Variants in NIN observed in about 807,000 individuals in gnomAD.
The protein encoded by NIN is glycogen synthase kinase 3 beta-interacting protein.
A neutral mutation model predicts 257.6 loss-of-function variants in NIN; 137 were observed. The ratio of observed to expected loss-of-function variants is 0.53; its 90% confidence interval spans 0.46 to 0.61. NIN has a LOEUF of 0.61. NIN is among the 20% of genes least tolerant of loss of function. The probability of loss-of-function intolerance (pLI) is 0.00; values close to 1 mark genes in which losing one functional copy is unlikely to be tolerated. For missense variants in NIN, 2,439 were observed against 2,501.2 expected, an observed-to-expected ratio of 0.98 and a Z score of 0.53; for synonymous variants, 918 against 919.8, an observed-to-expected ratio of 1.00 and a Z score of 0.04.
intron 21 of NIN, among the ~76,000 whole-genome samples, chr14:50,751,739 C>T (rs929025676): frequency 3.3e-5 from 5 of 152,104 alleles, no homozygotes; most frequent in African/African-American, 1.2e-4. Context: ...GTTGTCCAGG[C>T]TGGTCTTGAA....
At chr14:50,737,362 G>A (rs889243304) in intron 27 of NIN, among the ~76,000 whole-genome samples, 11 of 152,084 alleles carry the variant, frequency 7.2e-5, no homozygotes, top group South Asian at 2.1e-4. Flanking sequence ...TGAAGCGTTC[G>A]GGTAACTGCA....
chr14:50,789,297 G>A (rs11850959), intron 5 of NIN, among the ~76,000 whole-genome samples: 110,969 of 152,158 alleles, frequency 0.73, 43,892 homozygotes, highest in East Asian at 1. Context: ...GTCAGAGGCC[G>A]GGAGCGGTGG....
rs555876390 is a variant in NIN at position 50,753,532 on chromosome 14, A to G, written c.4735-799T>C. On this transcript the variant is annotated intron_variant, in intron 20 of 30. Coordinates refer to ENST00000530997, the MANE Select transcript of NIN (RefSeq NM_020921.4). Reference sequence around the variant, plus strand: ...TATCTGTTCCCACGTTGATAGACATAAAGTTTTTAAAATCATTATTTCTTT... The same window carrying G: ...TATCTGTTCCCACGTTGATAGACATGAAGTTTTTAAAATCATTATTTCTTT... Among the ~76,000 whole-genome samples the G allele has an allele frequency of 1.4e-3, 205 of 151,026 alleles. 1 individual carries two copies. The highest frequency in any genetic ancestry group is 4.6e-3 in the African/African-American group (190 of 41,380).
chr14:50,813,623 C>A (rs1468169985), intron 3 of NIN, among the ~76,000 whole-genome samples: 1 of 152,086 alleles, frequency 6.6e-6, no homozygotes, highest in South Asian at 2.1e-4. Flanking sequence ...CAAATTCAAA[C>A]CACACACACA....
At chr14:50,800,007 TACACACACACACACACACACACAC>T (rs71118902) in intron 4 of NIN, among the ~76,000 whole-genome samples, 8 of 148,152 alleles carry the variant, frequency 5.4e-5, no homozygotes, top group East Asian at 2.0e-4. Flanking sequence ...TATATACACA[TACACACACACACACACACACACAC>T]ACACACACAC....
chr14:50,807,691 C>T (rs2044392295), intron 3 of NIN, among the ~76,000 whole-genome samples: 2 of 152,144 alleles, frequency 1.3e-5, no homozygotes, highest in Admixed American at 6.5e-5. Context: ...CAAAACACTG[C>T]CTAGAGGTTT....
chr14:50,750,029 ATTTAT>A (rs1374984562), intron 21 of NIN, among the ~76,000 whole-genome samples: 1 of 152,030 alleles, frequency 6.6e-6, no homozygotes, highest in Non-Finnish European at 1.5e-5. Context: ...TCATAATTAT[ATTTAT>A]TTTATTCTAT....
chr14:50,789,583 C>T lies in NIN; in HGVS notation c.435+3129G>A, dbSNP rs577264117. ...GAGACTCCATCTCAAGAAAACAAAA[C>T]AAAACAAAACAAACAAACAAAAAAC... On this transcript the variant is annotated intron_variant, in intron 5 of 30. Coordinates refer to ENST00000530997, the MANE Select transcript of NIN (RefSeq NM_020921.4). Among the ~76,000 whole-genome samples the T allele has an allele frequency of 1.0e-3, 152 of 152,122 alleles. 3 individuals carry two copies. The South Asian group carries it at 0.031, about 31-fold the overall frequency.
chr14:50,756,314 C>G (rs1344140845), intron 18 of NIN, among the ~76,000 whole-genome samples, 178 bp downstream of exon 18: 1 of 152,192 alleles, frequency 6.6e-6, no homozygotes, highest in Non-Finnish European at 1.5e-5. Flanking sequence ...AAGGGAATGC[C>G]TCCTAAACAA....
chr14:50,771,570 A>T, intron 9 of NIN, 102 bp from the exon 10 acceptor site: 1 of 1,248,202 alleles, frequency 8.0e-7, no homozygotes, highest in South Asian at 1.4e-5. Context: ...GCTGACAATG[A>T]TCTAGCAATT....
Position 50,726,041 on chromosome 14 carries a change from A to C in NIN, c.6104T>G (p.Val2035Gly). 6.2e-7 allele frequency: 1 copy of C among 1,613,808 alleles called. No homozygotes were observed. The highest frequency in any genetic ancestry group is 8.5e-7 in the Non-Finnish European group (1 of 1,179,780). ...AACTTCTATCATTCGTTCCTCCATG[A>C]CAGTTACCAGTTGTTCCTGGTTTCC... ...PQGNQEQLVT[V>G]MEERMIEVEQ... Residue 2035 changes from valine (V) to glycine (G), a missense_variant, in exon 30 of 31, where the codon GTC becomes GGC. Physicochemically the swap from Val to Gly is moderately radical, Grantham distance 109. This residue lies in a region of NIN where 2,043 missense variants were observed against 2,050.2 expected (regional missense o/e 1.00). Transcript: ENST00000530997.
intron 21 of NIN, among the ~76,000 whole-genome samples, chr14:50,749,580 G>T (rs1042993884): frequency 6.6e-6 from 1 of 152,110 alleles, no homozygotes; most frequent in African/African-American, 2.4e-5. Flanking sequence ...TGGGGTGTTT[G>T]CCTAATGATG....
intron 30 of NIN, 158 bp downstream of exon 30, chr14:50,725,795 T>C (rs1021482207): frequency 1.5e-5 from 20 of 1,344,272 alleles, no homozygotes; most frequent in Admixed American, 2.2e-5. Context: ...TGGGGTGATA[T>C]GAGGGATAGC....
At chr14:50,761,685 T>C (rs750886175) in intron 16 of NIN, 105 bp downstream of exon 16, 4 of 1,315,394 alleles carry the variant, frequency 3.0e-6, no homozygotes, top group Admixed American at 1.9e-5. Context: ...GTTCCCAACA[T>C]AGAATGTGCT....
At position 50,757,082 on chromosome 14, in the gene NIN, T is replaced by C; in HGVS notation, c.3948A>G (p.Ile1316Met). Residue 1316 changes from isoleucine (I) to methionine (M), a missense_variant, in exon 18 of 31, where the codon ATA becomes ATG. Ile to Met is a conservative substitution (Grantham distance 10). Coordinates refer to ENST00000530997, the MANE Select transcript of NIN (RefSeq NM_020921.4). The part of the protein sequence containing the change: ...SLEKSYDEVK[I>M]ENEGLNVLVL... ...CCAGAACATTCAGCCCCTCATTTTCTATTTTGACCTCATCGTAACTCTTTT... is the reference window on the plus strand; with the variant it reads ...CCAGAACATTCAGCCCCTCATTTTCCATTTTGACCTCATCGTAACTCTTTT... The C allele has an allele frequency of 6.2e-7, 1 of 1,613,384 alleles. No homozygotes were observed. The highest frequency in any genetic ancestry group is 8.5e-7 in the Non-Finnish European group (1 of 1,179,796).
chr14:50,801,436 A>G (rs1381046245), intron 4 of NIN, among the ~76,000 whole-genome samples: 2 of 152,168 alleles, frequency 1.3e-5, no homozygotes, highest in Non-Finnish European at 2.9e-5. Context: ...CCTCACTGTT[A>G]GCATTTCATT....
At chr14:50,753,910 T>C (rs2041911896) in intron 20 of NIN, among the ~76,000 whole-genome samples, 1 of 152,200 alleles carries the variant, frequency 6.6e-6, no homozygotes, top group Non-Finnish European at 1.5e-5. Flanking sequence ...TGACCATTCA[T>C]ATAGATTGCC....
intron 30 of NIN, chr14:50,724,242 G>A (rs146221847): frequency 1.5e-4 from 31 of 207,444 alleles, no homozygotes; most frequent in African/African-American, 6.1e-4. Context: ...AGGTTGGGGT[G>A]GGAAAACTTG....
intron 3 of NIN, 61 bp downstream of exon 3, chr14:50,821,813 C>A: frequency 7.1e-7 from 1 of 1,415,240 alleles, no homozygotes; most frequent in Non-Finnish European, 9.8e-7. Context: ...CGCCCCACCC[C>A]CAGCACCCCG....
Sources: allele counts gnomAD v4.1 joint callset (sites outside exome capture counted in the v4.1 genomes callset), GRCh38; gene constraint gnomAD v4.1.1; regional missense constraint gnomAD v4.1.1; transcripts MANE v1.5; gene names NCBI Gene and HGNC (gene_info 2026-07-23, HGNC 2026-07-21).